RAB11FIP2: variants seen among roughly 807,000 people sequenced by gnomAD.
The protein encoded by RAB11FIP2 is RAB11 family interacting protein 2, also known as rab11 family-interacting protein 2.
In RAB11FIP2, 16 loss-of-function variants were observed where a neutral mutation model predicts 40.9. The observed-to-expected ratio is 0.39, with a 90% confidence interval of 0.26 to 0.59. The LOEUF (loss-of-function observed/expected upper bound fraction) is 0.59. Among genes scored for constraint, RAB11FIP2 ranks in the 20% least tolerant of loss-of-function variants. The probability of loss-of-function intolerance (pLI) is 0.53; values close to 1 mark genes in which losing one functional copy is unlikely to be tolerated. For synonymous variants in RAB11FIP2, 228 were observed against 213.7 expected (o/e 1.07, Z -0.58); for missense variants, 532 against 606.2 (o/e 0.88, Z 1.28).
At chr10:118,045,083 A>G (rs776042610) in intron 1 of RAB11FIP2, among the ~76,000 whole-genome samples, 17 of 152,322 alleles carry the variant, frequency 1.1e-4, no homozygotes, top group Non-Finnish European at 2.2e-4. Flanking sequence ...AGATGTTATC[A>G]AATCATTTCA....
rs533593978 is a variant in RAB11FIP2 at position 118,006,871 on chromosome 10, G to A, written c.*2127C>T. On this transcript the variant is annotated 3_prime_UTR_variant, in exon 5 of 5. Coordinates refer to ENST00000355624, the MANE Select transcript of RAB11FIP2 (RefSeq NM_014904.3). ...ATAGCTTTTATATAGGAAAAGAATC[G>A]CTCCTTAAAAATCAATTTCCCCATA... 5 of 152,276 alleles carry A rather than the reference G, an allele frequency of 3.3e-5. No individual in the cohort carries two copies. Among genetic ancestry groups the A allele is most frequent in the East Asian group, 1.9e-4 (1 of 5,174 alleles). The allele number at this position is 152,276 out of a possible 1,614,324, so 9.4% of individuals were successfully genotyped here. A position where few individuals can be genotyped will look rare whatever the true frequency, so the allele number is the denominator to read the frequency against.
chr10:118,029,238 A>G (rs1846383658), intron 3 of RAB11FIP2, among the ~76,000 whole-genome samples: 3 of 151,616 alleles, frequency 2.0e-5, no homozygotes, highest in Admixed American at 2.0e-4. Flanking sequence ...CCCCCTACCC[A>G]AAAGCAGAAT....
intron 1 of RAB11FIP2, chr10:118,043,364 G>A (rs1254073714): frequency 6.6e-6 from 1 of 150,888 alleles, no homozygotes; most frequent in African/African-American, 2.4e-5. Context: ...AAAAATCAAT[G>A]GATATTACAC....
chr10:118,018,594 T>C (rs1846248719), intron 3 of RAB11FIP2, among the ~76,000 whole-genome samples: 1 of 152,278 alleles, frequency 6.6e-6, no homozygotes, highest in African/African-American at 2.4e-5. Flanking sequence ...CAGTTTTACT[T>C]TGAGATATTT....
At chr10:118,026,428 T>C (rs1846344650) in intron 3 of RAB11FIP2, among the ~76,000 whole-genome samples, 1 of 152,168 alleles carries the variant, frequency 6.6e-6, no homozygotes, top group Non-Finnish European at 1.5e-5. Context: ...TTTTATACTC[T>C]TGATGAAAAA....
At chr10:118,020,730 A>T (rs1846274805) in intron 3 of RAB11FIP2, among the ~76,000 whole-genome samples, 1 of 152,212 alleles carries the variant, frequency 6.6e-6, no homozygotes, top group Non-Finnish European at 1.5e-5. Context: ...TTAACCCTGC[A>T]GACACCTCCC....
At chr10:118,027,023 T>C (rs1173793548) in intron 3 of RAB11FIP2, among the ~76,000 whole-genome samples, 1 of 152,218 alleles carries the variant, frequency 6.6e-6, no homozygotes, top group Admixed American at 6.5e-5. Flanking sequence ...ATATTATTAC[T>C]TGGAAAAAAA....
rs193233748 is a variant in RAB11FIP2 at position 118,019,698 on chromosome 10, C to T, written c.1266-4588G>A. Among the ~76,000 whole-genome samples, 89 of 151,966 alleles carry T rather than the reference C, an allele frequency of 5.9e-4. 1 individual carries two copies. The highest frequency in any genetic ancestry group is 1.6e-3 in the East Asian group (8 of 5,148). The stretch of plus-strand genomic sequence containing the variant: ...AAAATTAGCCGGGCGTGGTGGCAGG[C>T]GCCTGTAGTCCTAGCTACTCGGGAG... On this transcript the variant is annotated intron_variant, in intron 3 of 4. Coordinates refer to ENST00000355624, the MANE Select transcript of RAB11FIP2 (RefSeq NM_014904.3).
chr10:118,009,367 A>G (rs1701911030), intron 4 of RAB11FIP2, 142 bp from the exon 5 acceptor site: 1 of 773,426 alleles, frequency 1.3e-6, no homozygotes. Context: ...GTGACAGTTC[A>G]CAAATTGGCT....
chr10:118,026,423 T>C (rs2133172400), intron 3 of RAB11FIP2, among the ~76,000 whole-genome samples: 1 of 152,320 alleles, frequency 6.6e-6, no homozygotes, highest in South Asian at 2.1e-4. Flanking sequence ...TAGAATTTTA[T>C]ACTCTTGATG....
At chr10:118,014,791 A>G (rs1218824801) in intron 4 of RAB11FIP2, among the ~76,000 whole-genome samples, 1 of 152,180 alleles carries the variant, frequency 6.6e-6, no homozygotes, top group African/African-American at 2.4e-5. Context: ...TTAATTTCAA[A>G]AGTCTGTAAA....
chr10:118,027,488 T>A (rs1447464734), intron 3 of RAB11FIP2, among the ~76,000 whole-genome samples: 1 of 152,242 alleles, frequency 6.6e-6, no homozygotes, highest in Non-Finnish European at 1.5e-5. Context: ...AAAAAGTCTC[T>A]ATGAAACAAA....
chr10:118,014,791 A>T (rs1218824801), intron 4 of RAB11FIP2, among the ~76,000 whole-genome samples: 3 of 152,180 alleles, frequency 2.0e-5, no homozygotes, highest in Non-Finnish European at 4.4e-5. Context: ...TTAATTTCAA[A>T]AGTCTGTAAA....
At chr10:118,021,535 T>C (rs1246183637) in intron 3 of RAB11FIP2, among the ~76,000 whole-genome samples, 1 of 152,216 alleles carries the variant, frequency 6.6e-6, no homozygotes, top group Non-Finnish European at 1.5e-5. Flanking sequence ...TTCTACCATT[T>C]TTATTTTGCC....
At chr10:118,028,552 C>A (rs910781584) in intron 3 of RAB11FIP2, among the ~76,000 whole-genome samples, 2 of 151,982 alleles carry the variant, frequency 1.3e-5, no homozygotes, top group African/African-American at 4.8e-5. Context: ...ATTAAATATA[C>A]AGGAATGCTA....
chr10:118,031,373 G>C (rs1360400008), intron 3 of RAB11FIP2, among the ~76,000 whole-genome samples: 1 of 151,986 alleles, frequency 6.6e-6, no homozygotes, highest in Non-Finnish European at 1.5e-5. Context: ...ACAGTAAACA[G>C]TCTTTGACTT....
chr10:118,016,511 C>A, intron 3 of RAB11FIP2, among the ~76,000 whole-genome samples: 1 of 152,180 alleles, frequency 6.6e-6, no homozygotes, highest in East Asian at 1.9e-4. Context: ...GTGGTAGCAG[C>A]TGCTAACACA....
At chr10:118,031,973 C>T (rs1008642724) in intron 3 of RAB11FIP2, among the ~76,000 whole-genome samples, 27 of 152,038 alleles carry the variant, frequency 1.8e-4, no homozygotes, top group African/African-American at 6.0e-4. Context: ...ACTCTCAGAA[C>T]AGCTGCCCCC....
chr10:118,032,411 G>C (rs920603804), intron 3 of RAB11FIP2, among the ~76,000 whole-genome samples: 1 of 149,092 alleles, frequency 6.7e-6, no homozygotes, highest in African/African-American at 2.4e-5. Context: ...GTGCGTGCGT[G>C]CGTGTGTGTG....
Sources: allele counts gnomAD v4.1 joint callset (sites outside exome capture counted in the v4.1 genomes callset), GRCh38; gene constraint gnomAD v4.1.1; transcripts MANE v1.5; gene names NCBI Gene and HGNC (gene_info 2026-07-23, HGNC 2026-07-21).